CNTNAP5: variants seen among roughly 807,000 people sequenced by gnomAD.
The protein encoded by CNTNAP5 is contactin associated protein family member 5, also known as contactin-associated protein-like 5.
CNTNAP5 carries 72 observed loss-of-function variants against 150.2 expected under a neutral mutation model. The observed-to-expected ratio is 0.48, with a 90% CI of 0.40 to 0.58. CNTNAP5 has a LOEUF of 0.58. Ranked by LOEUF, CNTNAP5 falls within the 20% of genes least tolerant of loss-of-function variation. The pLI, the probability that CNTNAP5 is intolerant of heterozygous loss-of-function variation, is 0.00. For synonymous variants in CNTNAP5, 672 were observed against 619.8 expected, an observed-to-expected ratio of 1.08 and a Z score of -1.25; for missense variants, 1,636 against 1,626.2, an observed-to-expected ratio of 1.01 and a Z score of -0.10.
intron 3 of CNTNAP5, among the ~76,000 whole-genome samples, chr2:124,410,062 A>G (rs534413430): frequency 7.4e-4 from 112 of 152,256 alleles, no homozygotes; most frequent in African/African-American, 2.6e-3. Flanking sequence ...GAAAACAAAA[A>G]AAGGCAGGGG....
In CNTNAP5 at chr2:124,798,185, T is replaced by C; in HGVS notation, c.3082T>C (p.Ser1028Pro). Residue 1028 changes from serine to proline, a missense_variant, in exon 19 of 24, where the codon TCA (serine) becomes CCA (proline). Coordinates refer to ENST00000682447, the MANE Select transcript of CNTNAP5 (RefSeq NM_001367498.1). ...GACCAAGAATATAAGCCTCTCATCC[T>C]CAGCTATTTACACAGATTCAGCTCC... ...PVTKNISLSS[S>P]AIYTDSAPSK... The C allele has an allele frequency of 1.2e-6, 2 of 1,613,864 alleles. No individual in the cohort carries two copies. Among genetic ancestry groups the C allele is most frequent in the Non-Finnish European group, 1.7e-6 (2 of 1,179,780 alleles).
chr2:124,099,245 A>G (rs1683009816), intron 1 of CNTNAP5, among the ~76,000 whole-genome samples: 1 of 152,142 alleles, frequency 6.6e-6, no homozygotes. Context: ...TTCAGCCTTG[A>G]TTCAACTATT....
At chr2:124,482,471 A>AT (rs796854208) in intron 7 of CNTNAP5, among the ~76,000 whole-genome samples, 3 of 151,962 alleles carry the variant, frequency 2.0e-5, no homozygotes, top group Non-Finnish European at 1.5e-5. Context: ...TTAGGCATTT[A>AT]TTTTTTTTAG....
chr2:124,363,005 C>G (rs947658979), intron 3 of CNTNAP5, among the ~76,000 whole-genome samples: 18 of 152,186 alleles, frequency 1.2e-4, no homozygotes, highest in African/African-American at 3.6e-4. Context: ...AAAAAAGCAT[C>G]AATGGATGTG....
At chr2:124,254,785 A>T (rs1217527778) in intron 3 of CNTNAP5, among the ~76,000 whole-genome samples, 1 of 152,212 alleles carries the variant, frequency 6.6e-6, no homozygotes, top group African/African-American at 2.4e-5. Context: ...TAGCAGAGCC[A>T]TCGTACATTC....
chr2:124,654,705 T>A (rs987388937), intron 13 of CNTNAP5, among the ~76,000 whole-genome samples: 8 of 152,032 alleles, frequency 5.3e-5, no homozygotes, highest in Non-Finnish European at 1.2e-4. Context: ...TGCTCCCATA[T>A]TTCTTTCCTT....
intron 20 of CNTNAP5, among the ~76,000 whole-genome samples, chr2:124,867,699 T>C (rs1012964523): frequency 7.8e-6 from 1 of 128,674 alleles, no homozygotes; most frequent in African/African-American, 2.9e-5. Flanking sequence ...AGCTTCTGCT[T>C]TTGATCTACA....
intron 3 of CNTNAP5, among the ~76,000 whole-genome samples, chr2:124,338,293 A>G (rs1033625911): frequency 6.6e-6 from 1 of 152,172 alleles, no homozygotes; most frequent in African/African-American, 2.4e-5. Flanking sequence ...TTCTAGATAA[A>G]CAATCATGTC....
At chr2:124,572,404 C>A (rs1696186279) in intron 11 of CNTNAP5, among the ~76,000 whole-genome samples, 1 of 152,112 alleles carries the variant, frequency 6.6e-6, no homozygotes, top group Non-Finnish European at 1.5e-5. Context: ...ATACAACAAA[C>A]CCCCATGACA....
At chr2:124,123,076 G>A (rs1046183776) in intron 1 of CNTNAP5, among the ~76,000 whole-genome samples, 1 of 151,870 alleles carries the variant, frequency 6.6e-6, no homozygotes, top group Non-Finnish European at 1.5e-5. Context: ...TCGGACACTG[G>A]GTGCAGCCCA....
At chr2:124,394,843 C>T (rs1401225430) in intron 3 of CNTNAP5, among the ~76,000 whole-genome samples, 2 of 152,174 alleles carry the variant, frequency 1.3e-5, no homozygotes, top group African/African-American at 4.8e-5. Flanking sequence ...ATTCTGCTGC[C>T]CACCAGGGAA....
At chr2:124,289,813 C>T (rs1014302283) in intron 3 of CNTNAP5, among the ~76,000 whole-genome samples, 1 of 152,142 alleles carries the variant, frequency 6.6e-6, no homozygotes, top group South Asian at 2.1e-4. Context: ...ACAGCATTGC[C>T]TCTTGTGGGT....
chr2:124,262,036 G>A (rs1031010822), intron 3 of CNTNAP5, among the ~76,000 whole-genome samples: 1 of 152,056 alleles, frequency 6.6e-6, no homozygotes, highest in African/African-American at 2.4e-5. Context: ...TTAAGCCCAC[G>A]AGTTGGAAAC....
At chr2:124,191,554 G>A (rs968546402) in intron 1 of CNTNAP5, among the ~76,000 whole-genome samples, 1 of 152,194 alleles carries the variant, frequency 6.6e-6, no homozygotes, top group Non-Finnish European at 1.5e-5. Context: ...AAATATGGCA[G>A]TGTGCTTAGG....
chr2:124,133,019 A>G (rs888490945), intron 1 of CNTNAP5, among the ~76,000 whole-genome samples: 5 of 152,200 alleles, frequency 3.3e-5, no homozygotes, highest in Non-Finnish European at 7.3e-5. Context: ...AGGAATAATA[A>G]TTACAGTGCA....
chr2:124,312,550 T>G (rs1688856933), intron 3 of CNTNAP5, among the ~76,000 whole-genome samples: 1 of 151,334 alleles, frequency 6.6e-6, no homozygotes, highest in East Asian at 2.0e-4. Context: ...GGGGTTTTTT[T>G]GTTTGTTTAT....
intron 1 of CNTNAP5, among the ~76,000 whole-genome samples, chr2:124,172,270 A>T (rs1684951974): frequency 6.6e-6 from 1 of 152,202 alleles, no homozygotes; most frequent in Non-Finnish European, 1.5e-5. Flanking sequence ...AACTACTAAA[A>T]TATATTTGTC....
chr2:124,880,646 G>T (rs1182267263), intron 21 of CNTNAP5, among the ~76,000 whole-genome samples: 1 of 152,016 alleles, frequency 6.6e-6, no homozygotes, highest in Non-Finnish European at 1.5e-5. Flanking sequence ...ATGCATTATT[G>T]AATACCTATT....
chr2:124,667,541 G>A (rs1216884626), intron 13 of CNTNAP5, among the ~76,000 whole-genome samples: 1 of 152,198 alleles, frequency 6.6e-6, no homozygotes, highest in East Asian at 1.9e-4. Context: ...TTTGGTGGGT[G>A]TGTTCTTCCC....
Sources: gnomAD v4.1 joint callset for allele counts (sites outside exome capture counted in the v4.1 genomes callset) on GRCh38, gnomAD v4.1.1 for gene constraint, MANE v1.5 for transcripts, NCBI Gene and HGNC (gene_info 2026-07-23, HGNC 2026-07-21) for gene names.